WARS2: variants seen among roughly 807,000 people sequenced by gnomAD.
The protein encoded by WARS2 is tryptophan--tRNA ligase, mitochondrial.
In WARS2, 28 loss-of-function variants were observed where a neutral mutation model predicts 36.5. The ratio of observed to expected loss-of-function variants is 0.77; its 90% CI spans 0.57 to 1.05. The LOEUF (loss-of-function observed/expected upper bound fraction) is 1.05, where lower values mean the gene tolerates loss of function less well. WARS2 is among the 50% of genes least tolerant of loss of function. The probability of loss-of-function intolerance (pLI) is 0.00; values close to 1 mark genes in which losing one functional copy is unlikely to be tolerated. For synonymous variants in WARS2, 174 were observed against 178.4 expected (o/e 0.98, Z 0.20); for missense variants, 435 against 456.8 (o/e 0.95, Z 0.44).
At chr1:119,118,070 AACC>A (rs1655090749) in intron 1 of WARS2, among the ~76,000 whole-genome samples, 1 of 152,196 alleles carries the variant, frequency 6.6e-6, no homozygotes, top group Admixed American at 6.5e-5. Flanking sequence ...AATGGCTCTA[AACC>A]AAGTAGAAAT....
intron 2 of WARS2, among the ~76,000 whole-genome samples, chr1:119,053,204 A>G (rs551014860): frequency 6.6e-6 from 1 of 152,190 alleles, no homozygotes; most frequent in African/African-American, 2.4e-5. Context: ...AGAGTAATCA[A>G]ATTTTTTTTT....
At chr1:119,083,227 T>G (rs1652348797) in intron 1 of WARS2, among the ~76,000 whole-genome samples, 1 of 151,946 alleles carries the variant, frequency 6.6e-6, no homozygotes, top group African/African-American at 2.4e-5. Flanking sequence ...CTACTCCATC[T>G]CCAAAAAAGA....
At chr1:119,060,398 C>T (rs1650279222) in intron 2 of WARS2, among the ~76,000 whole-genome samples, 2 of 152,210 alleles carry the variant, frequency 1.3e-5, no homozygotes, top group Admixed American at 6.5e-5. Context: ...ACAGACAGAT[C>T]TTTCCCTCTT....
intron 1 of WARS2, among the ~76,000 whole-genome samples, chr1:119,098,053 A>C (rs768777557): frequency 3.9e-5 from 6 of 152,092 alleles, no homozygotes; most frequent in Non-Finnish European, 8.8e-5. Context: ...GTTCGAGACC[A>C]GCCTGGCCAA....
intron 2 of WARS2, among the ~76,000 whole-genome samples, chr1:119,048,782 C>T (rs972947958): frequency 6.6e-6 from 1 of 150,886 alleles, no homozygotes; most frequent in African/African-American, 2.5e-5. Context: ...ACCCCAAGAC[C>T]CGGCCAGGCG....
chr1:119,111,702 G>A (rs1654647350), intron 1 of WARS2, among the ~76,000 whole-genome samples: 1 of 152,130 alleles, frequency 6.6e-6, no homozygotes, highest in Non-Finnish European at 1.5e-5. Context: ...AGCTGTCAGA[G>A]TTTTCCATGC....
At chr1:119,107,439 T>G (rs907853866) in intron 1 of WARS2, among the ~76,000 whole-genome samples, 5 of 149,540 alleles carry the variant, frequency 3.3e-5, no homozygotes, top group Non-Finnish European at 4.4e-5. Context: ...TAGGATCCAT[T>G]TTGATTTAAG....
At chr1:119,122,046 C>A (rs1344484076) in intron 1 of WARS2, among the ~76,000 whole-genome samples, 1 of 152,042 alleles carries the variant, frequency 6.6e-6, no homozygotes, top group Non-Finnish European at 1.5e-5. Context: ...ATAGATGGGA[C>A]TTAATTAAAC....
intron 1 of WARS2, among the ~76,000 whole-genome samples, chr1:119,088,978 T>G (rs952806304): frequency 7.2e-5 from 11 of 152,158 alleles, no homozygotes; most frequent in Admixed American, 2.0e-4. Flanking sequence ...CATGGTTAGC[T>G]CAGTTGGTTG....
At chr1:119,050,719 T>C (rs1207195168) in intron 2 of WARS2, among the ~76,000 whole-genome samples, 1 of 152,090 alleles carries the variant, frequency 6.6e-6, no homozygotes, top group Non-Finnish European at 1.5e-5. Flanking sequence ...TGTACTATTA[T>C]ACCAACTACG....
chr1:119,034,244 G>T, intron 4 of WARS2, 31 bp from the exon 5 acceptor site: 2 of 1,558,600 alleles, frequency 1.3e-6, no homozygotes, highest in Non-Finnish European at 1.8e-6. Flanking sequence ...AAAAACAACA[G>T]CAAGGCTCTT....
At chr1:119,114,973 T>C (rs1571379679) in intron 1 of WARS2, among the ~76,000 whole-genome samples, 1 of 152,192 alleles carries the variant, frequency 6.6e-6, no homozygotes, top group South Asian at 2.1e-4. Flanking sequence ...CATTTTAAAA[T>C]AACAGAATAA....
At chr1:119,066,328 A>G (rs1339720731) in intron 2 of WARS2, among the ~76,000 whole-genome samples, 7 of 151,976 alleles carry the variant, frequency 4.6e-5, no homozygotes, top group Non-Finnish European at 8.8e-5. Context: ...AATACAAAAA[A>G]TTAGCCGGGT....
Position 119,140,617 on chromosome 1 carries a change from G to A in WARS2, c.28C>T (p.Arg10Cys), listed in dbSNP as rs1656901008. The A allele has an allele frequency of 1.2e-6, 2 of 1,613,882 alleles. No homozygotes were observed. The highest frequency in any genetic ancestry group is 1.7e-6 in the Non-Finnish European group (2 of 1,179,864). ...GCCCGGATGAAGCTCCAGCGCTCAC[G>A]CGCTTTCCGCATTGAGTGCAGCGCC... MALHSMRKA[R>C]ERWSFIRALH... Residue 10 changes from arginine (R) to cysteine (C), a missense_variant, in exon 1 of 6, where the codon CGT becomes TGT. Coordinates refer to ENST00000235521, the MANE Select transcript of WARS2 (RefSeq NM_015836.4).
chr1:119,137,793 G>C (rs1656617772), intron 1 of WARS2, among the ~76,000 whole-genome samples: 1 of 152,178 alleles, frequency 6.6e-6, no homozygotes, highest in South Asian at 2.1e-4. Context: ...AGTATGGAGT[G>C]ATGTGCTGTT....
rs1325240689 is a variant in WARS2, at chr1:119,126,718, GATAA to G, written c.90+13833_90+13836del. 7 of 731,668 alleles carry G rather than the reference GATAA, an allele frequency of 9.6e-6. No individual in the cohort carries two copies. In the East Asian group the frequency reaches 1.5e-4, roughly 16 times the overall value. The allele number at this position is 731,668 out of a possible 1,614,324, so 45.3% of individuals were successfully genotyped here. ...TTTCTAACGAAGACATCACAGAGAG[GATAA>G]ATAGATTGGCAAGCCTTTTCTATGT... On this transcript the variant is annotated intron_variant, in intron 1 of 5. Transcript: ENST00000235521.
intron 1 of WARS2, among the ~76,000 whole-genome samples, chr1:119,092,045 C>T (rs1054571635): frequency 2.6e-5 from 4 of 152,116 alleles, no homozygotes; most frequent in Non-Finnish European, 2.9e-5. Context: ...TAGAATTCCC[C>T]GTGGTTAGAG....
In WARS2 at chr1:119,131,508, G is replaced by C. The variant is rs587668424; in HGVS notation, c.90+9047C>G. ...ACGTAGTCTCACTCGTGTCACCCAGGCTGGAGTGCAGTGGCGCGATCTCGG... is the reference window on the plus strand; with the variant it reads ...ACGTAGTCTCACTCGTGTCACCCAGCCTGGAGTGCAGTGGCGCGATCTCGG... On this transcript the variant is annotated intron_variant, in intron 1 of 5. Coordinates refer to ENST00000235521, the MANE Select transcript of WARS2 (RefSeq NM_015836.4). 2.7e-5 allele frequency among the ~76,000 whole-genome samples: 4 copies of C among 149,138 alleles called. No individual in the cohort carries two copies. The East Asian group carries it at 7.8e-4, about 29-fold the overall frequency.
At chr1:119,132,107 A>T (rs1656157984) in intron 1 of WARS2, among the ~76,000 whole-genome samples, 2 of 152,106 alleles carry the variant, frequency 1.3e-5, no homozygotes, top group Admixed American at 6.5e-5. Context: ...CAATGTGAGG[A>T]GTATTATTAA....
Sources: gnomAD v4.1 joint callset for allele counts (sites outside exome capture counted in the v4.1 genomes callset) on GRCh38, gnomAD v4.1.1 for gene constraint, MANE v1.5 for transcripts, NCBI Gene and HGNC (gene_info 2026-07-23, HGNC 2026-07-21) for gene names.